ANK2: variants seen among roughly 807,000 people sequenced by gnomAD.
ANK2 encodes ankyrin 2, also known as ankyrin-2.
Under a neutral mutation model 360.5 loss-of-function variants are expected in ANK2, and 83 were observed. The ratio of observed to expected loss-of-function variants is 0.23; its 90% confidence interval spans 0.19 to 0.28. ANK2 has a LOEUF of 0.28. Among genes scored for constraint, ANK2 ranks in the 10% least tolerant of loss-of-function variants. ANK2 has a pLI of 1.00. For synonymous variants in ANK2, 1,740 were observed against 1,759.5 expected (o/e 0.99, Z 0.28); for missense variants, 4,201 against 4,795.7 (o/e 0.88, Z 3.66).
intron 29 of ANK2, among the ~76,000 whole-genome samples, chr4:113,335,014 T>C (rs924980709): frequency 6.6e-6 from 1 of 152,104 alleles, no homozygotes; most frequent in African/African-American, 2.4e-5. Flanking sequence ...ACGTAGTTGC[T>C]GTTCCTGCCT....
At position 112,956,991 on chromosome 4, in the gene ANK2, C is replaced by T. The variant is rs762534751; in HGVS notation, c.21+52477C>T. Among the ~76,000 whole-genome samples the T allele has an allele frequency of 3.6e-3, 485 of 134,968 alleles. 3 individuals are homozygous for T. Among genetic ancestry groups the T allele is most frequent in the Non-Finnish European group, 5.9e-3 (373 of 63,276 alleles). 88.5% of individuals were successfully genotyped at this position (134,968 alleles called of 152,430 possible). ...TAAATTATTGTATCCTCTAAATTATCTGCACTATTGCTCTTGTTTTTTTTT... is the reference window on the plus strand; with the variant it reads ...TAAATTATTGTATCCTCTAAATTATTTGCACTATTGCTCTTGTTTTTTTTT... On this transcript the variant is annotated intron_variant, in intron 2 of 30. Transcript: ENST00000503271.
At chr4:112,983,016 C>T (rs978392522) in intron 2 of ANK2, among the ~76,000 whole-genome samples, 69 of 152,094 alleles carry the variant, frequency 4.5e-4, no homozygotes, top group African/African-American at 1.7e-3. Flanking sequence ...TGATGCATAC[C>T]GCATTTTAGC....
At chr4:112,967,500 T>C (rs980485402) in intron 2 of ANK2, among the ~76,000 whole-genome samples, 4 of 152,184 alleles carry the variant, frequency 2.6e-5, no homozygotes, top group African/African-American at 9.6e-5. Flanking sequence ...GTAACTTAAA[T>C]GATAAAAATG....
At chr4:113,095,824 G>T (rs1322717705) in intron 1 of ANK2, among the ~76,000 whole-genome samples, 2 of 152,132 alleles carry the variant, frequency 1.3e-5, no homozygotes, top group Non-Finnish European at 2.9e-5. Context: ...TTTTGTCCAT[G>T]CATGTTTATA....
chr4:113,285,906 G>A (rs1467834823), intron 18 of ANK2, among the ~76,000 whole-genome samples: 1 of 152,274 alleles, frequency 6.6e-6, no homozygotes, highest in Admixed American at 6.5e-5. Context: ...CTGTAATAAC[G>A]GCTATGGGAG....
rs1323307501 is a variant in ANK2 at position 113,232,030 on chromosome 4, A to G, written c.385-131A>G. ...CACTGCGATTTTGTCTAGCTTTATA[A>G]TGATAAATATGTGTATAATTTATTC... is the stretch of plus-strand genomic sequence containing the variant. On this transcript the variant is annotated intron_variant, in intron 4 of 45. Coordinates refer to ENST00000357077, the MANE Select transcript of ANK2 (RefSeq NM_001148.6). The G allele has an allele frequency of 3.9e-5, 27 of 692,542 alleles. No individual in the cohort carries two copies. The Admixed American group carries it at 4.2e-4, about 11-fold the overall frequency. 42.9% of individuals were successfully genotyped at this position (692,542 alleles called of 1,614,324 possible).
chr4:113,005,292 A>G (rs2052416073), intron 2 of ANK2, among the ~76,000 whole-genome samples: 1 of 152,226 alleles, frequency 6.6e-6, no homozygotes, highest in East Asian at 1.9e-4. Flanking sequence ...CACACTGCAT[A>G]TTTATCACAG....
intron 2 of ANK2, among the ~76,000 whole-genome samples, chr4:113,037,038 TG>T (rs2061761080): frequency 6.6e-6 from 1 of 151,962 alleles, no homozygotes. Flanking sequence ...CTGATGCTAA[TG>T]TTACTTGCAG....
At chr4:113,101,901 A>C (rs894488595) in intron 1 of ANK2, among the ~76,000 whole-genome samples, 1 of 152,134 alleles carries the variant, frequency 6.6e-6, no homozygotes, top group Non-Finnish European at 1.5e-5. Flanking sequence ...GGAAGTACAC[A>C]TGCAAGCCCT....
At chr4:113,193,153 T>C (rs2098697957) in intron 2 of ANK2, among the ~76,000 whole-genome samples, 1 of 152,156 alleles carries the variant, frequency 6.6e-6, no homozygotes, top group African/African-American at 2.4e-5. Context: ...TCATTGTAAA[T>C]ATTTTTAAGT....
chr4:113,153,998 T>G (rs1429771499), intron 1 of ANK2, among the ~76,000 whole-genome samples: 2 of 152,190 alleles, frequency 1.3e-5, no homozygotes, highest in Non-Finnish European at 2.9e-5. Context: ...AGCATAAAAG[T>G]AGAAGAAACC....
At chr4:112,721,495 T>C in the ANK2 span, among the ~76,000 whole-genome samples, 2 of 138,138 alleles carry the variant, frequency 1.4e-5, no homozygotes, top group Non-Finnish European at 3.0e-5. Flanking sequence ...TGAGCTGAGA[T>C]TGCACCATTG....
chr4:113,352,264 A>T (rs1360018268), intron 37 of ANK2, among the ~76,000 whole-genome samples: 1 of 152,158 alleles, frequency 6.6e-6, no homozygotes, highest in Non-Finnish European at 1.5e-5. Flanking sequence ...GGACTCACTT[A>T]TAAGTTTAAT....
intron 22 of ANK2, among the ~76,000 whole-genome samples, chr4:113,296,080 C>G (rs1165554373): frequency 6.6e-6 from 1 of 152,110 alleles, no homozygotes; most frequent in African/African-American, 2.4e-5. Flanking sequence ...GAGGGAAGAT[C>G]TAAGCTTCAG....
Position 113,353,917 on chromosome 4 carries a change from A to C in ANK2, c.5299A>C (p.Lys1767Gln). Residue 1767 changes from lysine to glutamine, a missense_variant, in exon 38 of 46, where the codon AAG (lysine) becomes CAG (glutamine). By Grantham distance (53) the Lys-to-Gln change is moderately conservative (BLOSUM62 1). This residue lies in a region of ANK2 where 2,642 missense variants were observed against 2,714.5 expected (regional missense o/e 0.97). Coordinates refer to ENST00000357077, the MANE Select transcript of ANK2 (RefSeq NM_001148.6). ...AGAAGAAACTCCCATTGGTTCCATA[A>C]AGGACAAAGTAAAGGCCCTTCAGAA... ...LIEETPIGSI[K>Q]DKVKALQKRV... is the part of the protein sequence containing the mutation. The C allele has an allele frequency of 6.2e-7, 1 of 1,614,028 alleles. No homozygotes were observed. Among genetic ancestry groups the C allele is most frequent in the Non-Finnish European group, 8.5e-7 (1 of 1,179,954 alleles).
At chr4:113,072,329 T>A (rs642055) in intron 1 of ANK2, among the ~76,000 whole-genome samples, 2,875 of 152,256 alleles carry the variant, frequency 0.019, 82 homozygotes, top group African/African-American at 0.066. Flanking sequence ...TTCCAGGACA[T>A]CTCCAGCATG....
At chr4:112,956,321 A>G (rs2095327623) in intron 2 of ANK2, among the ~76,000 whole-genome samples, 1 of 152,212 alleles carries the variant, frequency 6.6e-6, no homozygotes, top group Admixed American at 6.5e-5. Context: ...ACATTTATAG[A>G]TCTTAGCAAT....
intron 4 of ANK2, among the ~76,000 whole-genome samples, chr4:113,204,575 A>G (rs2098916427): frequency 6.6e-6 from 1 of 152,240 alleles, no homozygotes; most frequent in South Asian, 2.1e-4. Flanking sequence ...ATGTGAATCA[A>G]CAATGAATAG....
intron 4 of ANK2, among the ~76,000 whole-genome samples, chr4:113,205,518 C>T (rs1402130537): frequency 6.6e-6 from 1 of 152,088 alleles, no homozygotes; most frequent in Non-Finnish European, 1.5e-5. Flanking sequence ...GATTAATACT[C>T]TTTTCTTTCA....
Sources: gnomAD v4.1 joint callset for allele counts (sites outside exome capture counted in the v4.1 genomes callset) on GRCh38, gnomAD v4.1.1 for gene constraint, gnomAD v4.1.1 regional missense constraint, MANE v1.5 for transcripts, NCBI Gene and HGNC (gene_info 2026-07-23, HGNC 2026-07-21) for gene names.